RPL18: variants seen among roughly 807,000 people sequenced by gnomAD.
The protein encoded by RPL18 is large ribosomal subunit protein eL18.
In RPL18, 4 loss-of-function variants were observed where a neutral mutation model predicts 25.0. The observed-to-expected ratio is 0.16, with a 90% CI of 0.08 to 0.37. The LOEUF is 0.37. Among genes scored for constraint, RPL18 ranks in the 10% least tolerant of loss-of-function variants. The pLI is 1.00. For missense variants in RPL18, 179 were observed against 267.9 expected (o/e 0.67, Z 2.32); for synonymous variants, 129 against 101.6 (o/e 1.27, Z -1.62).
intron 3 of RPL18, 28 bp downstream of exon 3, chr19:48,617,288 T>A (rs1376294407): frequency 2.5e-5 from 39 of 1,563,844 alleles, no homozygotes; most frequent in Non-Finnish European, 3.4e-5. Context: ...CTCCCAGGTC[T>A]ACCGTGCTCT....
rs762161211 is a variant in RPL18, at chr19:48,619,135, G to A, written c.3+6C>T. On this transcript the variant is annotated splice_donor_region_variant and intron_variant, in intron 1 of 6. Coordinates refer to ENST00000549920, the MANE Select transcript of RPL18 (RefSeq NM_000979.4). ...TCCAGCCCCGAACGCCGCAAAGCGA[G>A]CTCACCATGATGGCGCCTCCTGCTC... 6 of 1,521,382 alleles carry A rather than the reference G, an allele frequency of 3.9e-6. No individual in the cohort carries two copies. The highest frequency in any genetic ancestry group is 4.4e-6 in the Non-Finnish European group (5 of 1,126,468). The allele number at this position is 1,521,382 out of a possible 1,614,324, so 94.2% of individuals were successfully genotyped here. A position where few individuals can be genotyped will look rare whatever the true frequency, so the allele number is the denominator to read the frequency against.
chr19:48,616,634 G>A (rs1974179681), intron 4 of RPL18, 92 bp downstream of exon 4: 1 of 764,744 alleles, frequency 1.3e-6, no homozygotes, highest in Non-Finnish European at 2.1e-6. Flanking sequence ...TGGCAAGACT[G>A]AGGATGGACC....
chr19:48,616,541 AC>A (rs762287820), intron 4 of RPL18, 184 bp downstream of exon 4: 40 of 708,410 alleles, frequency 5.6e-5, no homozygotes, highest in Non-Finnish European at 9.5e-5. Context: ...TGCCCAGGGG[AC>A]CCCACCATCA....
chr19:48,616,952 C>A lies in RPL18; in HGVS notation c.199-128G>T, dbSNP rs768907686. On this transcript the variant is annotated intron_variant, in intron 3 of 6. Coordinates refer to ENST00000549920, the MANE Select transcript of RPL18 (RefSeq NM_000979.4). ...CCCCACTCACACCACACCCCTTAAA[C>A]CCCACAGGCCTCTCCTCAGGTCCAG... The A allele has an allele frequency of 1.5e-5, 11 of 739,744 alleles. No homozygotes were observed. The Admixed American group carries it at 2.2e-4, about 15-fold the overall frequency. The allele number at this position is 739,744 out of a possible 1,614,324, so 45.8% of individuals were successfully genotyped here.
chr19:48,616,983 G>A (rs555364628), intron 3 of RPL18, 159 bp from the exon 4 acceptor site: 1 of 707,164 alleles, frequency 1.4e-6, no homozygotes, highest in African/African-American at 1.8e-5. Context: ...TCCAGCTGGG[G>A]AAAGCTCCAG....
At chr19:48,618,548 T>C (rs955069799) in intron 1 of RPL18, 21 of 157,788 alleles carry the variant, frequency 1.3e-4, no homozygotes, top group Non-Finnish European at 1.7e-4. Flanking sequence ...GCTCCACTTA[T>C]GCAGCACTTA....
intron 6 of RPL18, 158 bp downstream of exon 6, chr19:48,615,719 G>T (rs1974145933): frequency 2.8e-6 from 2 of 710,398 alleles, no homozygotes. Context: ...GCTCCAAGCA[G>T]TGTTGAAGGG....
At chr19:48,619,075 C>T (rs1461428734) in intron 1 of RPL18, 66 bp downstream of exon 1, 6 of 1,567,272 alleles carry the variant, frequency 3.8e-6, no homozygotes, top group African/African-American at 2.7e-5. Flanking sequence ...CCAGCGTGCC[C>T]CTAGCCCAAA....
chr19:48,617,851 G>T lies in RPL18; in HGVS notation c.30C>A (p.Asp10Glu), dbSNP rs143728553. 612 of 1,614,080 alleles carry T rather than the reference G, an allele frequency of 3.8e-4. 2 individuals carry two copies. The highest frequency in any genetic ancestry group is 2.3e-3 in the Middle Eastern group (14 of 6,082). Residue 10 changes from aspartate to glutamate, a missense_variant, in exon 2 of 7, where the codon GAC (aspartate) becomes GAA (glutamate). Transcript: ENST00000549920. MGVDIRHNKDRKVRRKEPKS... is the reference protein window; with the variant it reads MGVDIRHNKERKVRRKEPKS... ...TGGGCTCCTTGCGCCGAACCTTTCG[G>T]TCCTTGTTATGGCGGATGTCCACTC...
At chr19:48,616,672 C>T (rs1568424712) in intron 4 of RPL18, 54 bp downstream of exon 4, 1 of 1,227,308 alleles carries the variant, frequency 8.1e-7, no homozygotes. Flanking sequence ...CACAGCACAG[C>T]ACAGCACAGT....
chr19:48,615,433 G>C lies in RPL18; in HGVS notation c.506C>G (p.Ser169Cys). 1.9e-6 allele frequency: 3 copies of C among 1,613,136 alleles called. No homozygotes were observed. The highest frequency in any genetic ancestry group is 2.5e-6 in the Non-Finnish European group (3 of 1,179,562). Reference protein sequence around the residue: ...PHSHTKPYVRSKGRKFERARG... With the variant: ...PHSHTKPYVRCKGRKFERARG... ...GGCACGCTCGAACTTCCGGCCCTTG[G>C]AGCGGACGTAGGGTCTGTGGGGAGA... The change falls in exon 7 of 7, where the codon TCC (serine) becomes TGC (cysteine). Residue 169 changes from serine to cysteine, a missense_variant. Transcript: ENST00000549920.
At position 48,616,786 on chromosome 19, in the gene RPL18, C is replaced by A. The variant is rs768483190; in HGVS notation, c.237G>T (p.Thr79=). ...CAGTTATGGTCCCCACAACCACGGC[C>A]GTCTTGTTTTCCCGGCCAGGAAGCT... ...KMKLPGRENK[T]AVVVGTITDD... The change falls in exon 4 of 7, where the codon ACG becomes ACT. Residue 79 remains threonine (T), a synonymous_variant. Transcript: ENST00000549920. 6.2e-7 allele frequency: 1 copy of A among 1,613,990 alleles called. No individual in the cohort carries two copies. Among genetic ancestry groups the A allele is most frequent in the Non-Finnish European group, 8.5e-7 (1 of 1,179,970 alleles).
At chr19:48,618,275 C>T (rs1974246451) in intron 1 of RPL18, 1 of 179,194 alleles carries the variant, frequency 5.6e-6, no homozygotes, top group Admixed American at 5.8e-5. Context: ...CTACTAGAAC[C>T]ACCTCTCCTA....
At chr19:48,618,944 T>C in intron 1 of RPL18, 197 bp downstream of exon 1, 1 of 599,680 alleles carries the variant, frequency 1.7e-6, no homozygotes, top group East Asian at 2.9e-5. Flanking sequence ...CTCCACTTGG[T>C]CATCTACTAA....
chr19:48,615,774 G>T, intron 6 of RPL18, 103 bp downstream of exon 6: 2 of 1,027,182 alleles, frequency 1.9e-6, no homozygotes, highest in Non-Finnish European at 3.0e-6. Context: ...GAAGGCCTGG[G>T]GCTGGCTGGT....
At chr19:48,616,398 C>A in intron 4 of RPL18, 196 bp from the exon 5 acceptor site, 1 of 679,468 alleles carries the variant, frequency 1.5e-6, no homozygotes, top group Non-Finnish European at 2.5e-6. Flanking sequence ...TGGTGTTATG[C>A]TAGAAACTAC....
chr19:48,619,032 C>T (rs1474888396), intron 1 of RPL18, 109 bp downstream of exon 1: 16 of 1,206,686 alleles, frequency 1.3e-5, no homozygotes, highest in South Asian at 7.9e-5. Context: ...GGGAATTGCT[C>T]CCTCCGGGCA....
In RPL18 at chr19:48,615,444, G is replaced by C. The variant is rs1009077639; in HGVS notation, c.495C>G (p.Pro165=). ...APGTPHSHTK[P]YVRSKGRKFE... ...ACTTCCGGCCCTTGGAGCGGACGTAGGGTCTGTGGGGAGAGGAGGGAGTGA... is the reference window on the plus strand; with the variant it reads ...ACTTCCGGCCCTTGGAGCGGACGTACGGTCTGTGGGGAGAGGAGGGAGTGA... The change falls in exon 7 of 7, where the codon CCC becomes CCG. Residue 165 remains proline, a synonymous_variant. Transcript: ENST00000549920. The C allele has an allele frequency of 6.2e-7, 1 of 1,611,936 alleles. No individual in the cohort carries two copies. Among genetic ancestry groups the C allele is most frequent in the African/African-American group, 1.3e-5 (1 of 74,874 alleles).
In RPL18 at chr19:48,617,482, G is replaced by A. The variant is rs1974209846; in HGVS notation, c.91-59C>T. The A allele has an allele frequency of 7.3e-6, 9 of 1,231,948 alleles. No homozygotes were observed. In the Admixed American group the frequency reaches 1.2e-4, roughly 16 times the overall value. 76.3% of individuals were successfully genotyped at this position (1,231,948 alleles called of 1,614,324 possible). On this transcript the variant is annotated intron_variant, in intron 2 of 6. Transcript: ENST00000549920. ...CAGCCTGCTCCCCCGCAGCCTTCCA[G>A]TGAAGGGGCAAACACATGATGATCT...
Sources: allele counts gnomAD v4.1 joint callset, GRCh38; gene constraint gnomAD v4.1.1; transcripts MANE v1.5; gene names NCBI Gene and HGNC (gene_info 2026-07-23, HGNC 2026-07-21).